Variants in CNTN4 observed in about 807,000 individuals in gnomAD.
CNTN4 encodes contactin 4, also known as contactin-4.
CNTN4 carries 77 observed loss-of-function variants against 122.5 expected under a neutral mutation model. The ratio of observed to expected loss-of-function variants is 0.63; its 90% CI spans 0.52 to 0.76. CNTN4 has a LOEUF of 0.76. Ranked by LOEUF, CNTN4 falls within the 30% of genes least tolerant of loss-of-function variation. CNTN4 has a pLI of 0.00. For synonymous variants in CNTN4, 512 were observed against 447.0 expected (o/e 1.15, Z -1.83); for missense variants, 1,256 against 1,259.1 (o/e 1.00, Z 0.04).
At chr3:2,181,480 A>G (rs1193294561) in intron 2 of CNTN4, among the ~76,000 whole-genome samples, 3 of 152,114 alleles carry the variant, frequency 2.0e-5, no homozygotes, top group Admixed American at 1.3e-4. Context: ...TTTGAGGACA[A>G]AAGTGGAAAA....
In CNTN4 at chr3:2,313,131, A is replaced by G. The variant is rs142035080; in HGVS notation, c.-144-26047A>G. ...AAGATGATTAAATAATGATCAAGAA[A>G]TAGAAACAAAAAATAGAAAACAACA... On this transcript the variant is annotated intron_variant, in intron 2 of 24. Transcript: ENST00000418658. 8.2e-3 allele frequency among the ~76,000 whole-genome samples: 1,249 copies of G among 152,196 alleles called. 9 individuals are homozygous for G. The highest frequency in any genetic ancestry group is 0.013 in the Non-Finnish European group (891 of 67,972).
intron 4 of CNTN4, among the ~76,000 whole-genome samples, chr3:2,681,488 T>C (rs1337461760): frequency 6.6e-6 from 1 of 152,148 alleles, no homozygotes. Context: ...AGAACTTATA[T>C]GGCTAGAGGT....
intron 4 of CNTN4, among the ~76,000 whole-genome samples, chr3:2,707,117 T>G (rs2086787508): frequency 6.6e-6 from 1 of 151,722 alleles, no homozygotes; most frequent in African/African-American, 2.4e-5. Context: ...CTGGGTGACA[T>G]GGTGAAACTC....
At chr3:2,706,705 A>T (rs2600291) in intron 4 of CNTN4, among the ~76,000 whole-genome samples, 22,763 of 152,136 alleles carry the variant, frequency 0.15, 2,264 homozygotes, top group African/African-American at 0.28. Flanking sequence ...GGTGCTAAAG[A>T]ACAATTCTCT....
chr3:2,773,722 G>A (rs2091198988), intron 6 of CNTN4, among the ~76,000 whole-genome samples: 1 of 150,312 alleles, frequency 6.7e-6, no homozygotes, highest in African/African-American at 2.4e-5. Flanking sequence ...CCAAACTCTG[G>A]CACTGAGTAA....
intron 6 of CNTN4, among the ~76,000 whole-genome samples, chr3:2,810,510 G>A (rs1184993888): frequency 1.3e-5 from 2 of 152,130 alleles, no homozygotes; most frequent in South Asian, 4.1e-4. Context: ...GAGGATTGCT[G>A]ACCCTAGGCA....
At chr3:2,667,911 G>A (rs533958752) in intron 4 of CNTN4, among the ~76,000 whole-genome samples, 69 of 152,074 alleles carry the variant, frequency 4.5e-4, no homozygotes, top group Admixed American at 3.9e-4. Context: ...TAGATATGTG[G>A]CATTATTTCT....
At chr3:2,484,431 GA>G (rs2076088877) in intron 3 of CNTN4, among the ~76,000 whole-genome samples, 1 of 152,172 alleles carries the variant, frequency 6.6e-6, no homozygotes, top group Non-Finnish European at 1.5e-5. Context: ...ACTAGATTGT[GA>G]TGTGATGCTT....
At chr3:2,769,308 A>C (rs1428056917) in intron 6 of CNTN4, among the ~76,000 whole-genome samples, 1 of 152,052 alleles carries the variant, frequency 6.6e-6, no homozygotes, top group Admixed American at 6.6e-5. Flanking sequence ...CTAAAAATAC[A>C]AAAACAATTA....
intron 6 of CNTN4, among the ~76,000 whole-genome samples, chr3:2,785,778 G>A (rs2091787268): frequency 6.6e-6 from 1 of 152,044 alleles, no homozygotes; most frequent in Non-Finnish European, 1.5e-5. Flanking sequence ...TGGGTAGAAG[G>A]GCAGTCCCTA....
chr3:2,137,667 T>C (rs1211040781), intron 2 of CNTN4, among the ~76,000 whole-genome samples: 5 of 152,312 alleles, frequency 3.3e-5, no homozygotes, highest in Non-Finnish European at 5.9e-5. Context: ...ATCATGGCTT[T>C]TTCACAAGTG....
intron 6 of CNTN4, among the ~76,000 whole-genome samples, chr3:2,799,585 C>T (rs2092295760): frequency 6.6e-6 from 1 of 152,138 alleles, no homozygotes; most frequent in Admixed American, 6.6e-5. Flanking sequence ...GCCTCAGCCT[C>T]CCAAGCAGCT....
At chr3:2,716,102 C>G (rs977661161) in intron 4 of CNTN4, among the ~76,000 whole-genome samples, 11 of 152,050 alleles carry the variant, frequency 7.2e-5, no homozygotes, top group Non-Finnish European at 1.2e-4. Flanking sequence ...GTAGCTGAGA[C>G]CACAGGTGTG....
chr3:2,441,466 G>C (rs1438311011), intron 3 of CNTN4, among the ~76,000 whole-genome samples: 1 of 152,170 alleles, frequency 6.6e-6, no homozygotes, highest in Non-Finnish European at 1.5e-5. Flanking sequence ...CTTGTTCATG[G>C]AGAAATATTC....
intron 4 of CNTN4, among the ~76,000 whole-genome samples, chr3:2,694,896 A>C (rs2085941554): frequency 6.6e-6 from 1 of 152,166 alleles, no homozygotes; most frequent in African/African-American, 2.4e-5. Flanking sequence ...AGTATACTTC[A>C]ACCCCTCTCT....
chr3:2,496,244 T>G (rs2076447932), intron 3 of CNTN4, among the ~76,000 whole-genome samples: 1 of 152,166 alleles, frequency 6.6e-6, no homozygotes, highest in South Asian at 2.1e-4. Context: ...TCCGATGTGC[T>G]TACAGTCGAT....
At chr3:2,582,487 G>A (rs63335460) in intron 4 of CNTN4, among the ~76,000 whole-genome samples, 71,845 of 151,682 alleles carry the variant, frequency 0.47, 17,612 homozygotes, top group Middle Eastern at 0.56. Context: ...GGGGCGGCGG[G>A]GAGGGGCAGT....
chr3:2,504,294 A>G (rs2076675979), intron 3 of CNTN4, among the ~76,000 whole-genome samples: 1 of 152,156 alleles, frequency 6.6e-6, no homozygotes, highest in African/African-American at 2.4e-5. Flanking sequence ...TTCAAGAAGA[A>G]GTGAAGTTCA....
intron 7 of CNTN4, among the ~76,000 whole-genome samples, chr3:2,858,732 G>GAAAAAT (rs1244694696): frequency 6.6e-6 from 1 of 151,302 alleles, no homozygotes; most frequent in African/African-American, 2.4e-5. Context: ...AAAAGAAAAA[G>GAAAAAT]AAAAACCCAA....
Sources: gnomAD v4.1 joint callset for allele counts (sites outside exome capture counted in the v4.1 genomes callset) on GRCh38, gnomAD v4.1.1 for gene constraint, MANE v1.5 for transcripts, NCBI Gene and HGNC (gene_info 2026-07-23, HGNC 2026-07-21) for gene names.